The following EVI5 variants were observed in gnomAD, a reference collection of about 807,000 sequenced individuals.
The protein encoded by EVI5 is ecotropic viral integration site 5 protein homolog.
A neutral mutation model predicts 112.0 loss-of-function variants in EVI5; 73 were observed. The observed-to-expected ratio is 0.65, with a 90% CI of 0.54 to 0.79. The LOEUF (loss-of-function observed/expected upper bound fraction) is 0.79, where lower values mean the gene tolerates loss of function less well. Ranked by LOEUF, EVI5 falls within the 30% of genes least tolerant of loss-of-function variation. EVI5 has a pLI of 0.00. For missense variants in EVI5, 900 were observed against 968.8 expected (o/e 0.93, Z 0.94); for synonymous variants, 305 against 319.9 (o/e 0.95, Z 0.50).
intron 2 of EVI5, among the ~76,000 whole-genome samples, chr1:92,722,830 T>TA (rs747188923): frequency 1.3e-4 from 20 of 151,902 alleles, no homozygotes; most frequent in Non-Finnish European, 2.4e-4. Context: ...AACAAAGGGG[T>TA]AAAAAGTTAA....
intron 13 of EVI5, among the ~76,000 whole-genome samples, chr1:92,659,487 T>C (rs1368868175): frequency 1.3e-5 from 2 of 151,830 alleles, no homozygotes; most frequent in African/African-American, 4.8e-5. Flanking sequence ...CTAACAAACA[T>C]ATGAAAAAAA....
At chr1:92,538,557 A>G (rs896962501) in intron 19 of EVI5, among the ~76,000 whole-genome samples, 2 of 152,216 alleles carry the variant, frequency 1.3e-5, no homozygotes, top group Non-Finnish European at 1.5e-5. Context: ...CCTAGTGTTT[A>G]GGTGACAAGT....
chr1:92,741,106 C>A (rs954242136), intron 1 of EVI5, among the ~76,000 whole-genome samples: 10 of 152,176 alleles, frequency 6.6e-5, no homozygotes, highest in Non-Finnish European at 1.3e-4. Flanking sequence ...TGTATTAAAT[C>A]TATTTAATTA....
chr1:92,623,903 C>A (rs1362901138), intron 16 of EVI5, among the ~76,000 whole-genome samples: 4 of 152,202 alleles, frequency 2.6e-5, no homozygotes, highest in Admixed American at 6.5e-5. Flanking sequence ...TGTTCCTTCT[C>A]AAGTCATGCA....
chr1:92,561,817 A>G (rs955258649), intron 19 of EVI5, among the ~76,000 whole-genome samples: 1 of 151,990 alleles, frequency 6.6e-6, no homozygotes, highest in African/African-American at 2.4e-5. Flanking sequence ...TTGTATTTTT[A>G]GTAGAGATAG....
chr1:92,628,845 A>C (rs557021296), intron 14 of EVI5, among the ~76,000 whole-genome samples: 6 of 152,346 alleles, frequency 3.9e-5, no homozygotes, highest in African/African-American at 1.4e-4. Flanking sequence ...CTTTCTTATA[A>C]TGGACTTTAA....
chr1:92,633,454 G>C (rs879094751), intron 14 of EVI5, among the ~76,000 whole-genome samples: 1 of 152,046 alleles, frequency 6.6e-6, no homozygotes, highest in Admixed American at 6.6e-5. Flanking sequence ...TTTGATCTTT[G>C]TTGGTTTAAA....
At chr1:92,592,009 C>T (rs962606960) in intron 18 of EVI5, among the ~76,000 whole-genome samples, 15 of 152,140 alleles carry the variant, frequency 9.9e-5, no homozygotes, top group African/African-American at 3.6e-4. Flanking sequence ...TTTGGGAGGC[C>T]AAGGCGGGCG....
chr1:92,635,209 A>G (rs899823365), intron 14 of EVI5, among the ~76,000 whole-genome samples: 1 of 152,176 alleles, frequency 6.6e-6, no homozygotes, highest in Non-Finnish European at 1.5e-5. Flanking sequence ...TTCAAAGCTG[A>G]CAGACAGGGA....
At chr1:92,776,861 G>A (rs1684209406) in intron 1 of EVI5, among the ~76,000 whole-genome samples, 1 of 150,208 alleles carries the variant, frequency 6.7e-6, no homozygotes, top group Admixed American at 6.7e-5. Flanking sequence ...GGAGTGCAGT[G>A]GCAAGATCTC....
At chr1:92,617,540 T>A (rs996118679) in intron 16 of EVI5, among the ~76,000 whole-genome samples, 28 of 152,268 alleles carry the variant, frequency 1.8e-4, no homozygotes, top group African/African-American at 6.7e-4. Context: ...AAGCCACCCA[T>A]CGTCGCCCAA....
intron 9 of EVI5, among the ~76,000 whole-genome samples, chr1:92,689,760 C>T (rs1292096562): frequency 1.3e-5 from 2 of 152,194 alleles, no homozygotes; most frequent in African/African-American, 2.4e-5. Context: ...ACTTTGCAAC[C>T]TTAAAACATT....
At chr1:92,783,881 C>G (rs888576207) in intron 1 of EVI5, among the ~76,000 whole-genome samples, 2 of 148,224 alleles carry the variant, frequency 1.3e-5, no homozygotes, top group Admixed American at 6.7e-5. Flanking sequence ...ATTCTACTAA[C>G]AAAATTTTAA....
At chr1:92,622,372 C>CA in intron 16 of EVI5, 2 of 415,734 alleles carry the variant, frequency 4.8e-6, no homozygotes, top group South Asian at 1.7e-5. Context: ...GACACAAACA[C>CA]AAAAACGGTA....
chr1:92,568,660 T>A (rs1016173727), intron 18 of EVI5, among the ~76,000 whole-genome samples: 11 of 152,094 alleles, frequency 7.2e-5, no homozygotes, highest in African/African-American at 2.7e-4. Context: ...ATATGTGGAC[T>A]TTCGTCTGCC....
intron 9 of EVI5, among the ~76,000 whole-genome samples, chr1:92,691,015 C>A (rs569253941): frequency 6.6e-6 from 1 of 152,194 alleles, no homozygotes; most frequent in South Asian, 2.1e-4. Flanking sequence ...TCAGATGAAT[C>A]CTTCAGGTTG....
upstream of EVI5, among the ~76,000 whole-genome samples, chr1:92,787,388 A>G (rs1685716911): frequency 6.6e-6 from 1 of 152,208 alleles, no homozygotes; most frequent in African/African-American, 2.4e-5. Flanking sequence ...ATTAATAATG[A>G]TAAGACATGG....
chr1:92,774,340 T>A (rs1683838100), intron 1 of EVI5, among the ~76,000 whole-genome samples: 2 of 152,224 alleles, frequency 1.3e-5, no homozygotes, highest in Non-Finnish European at 2.9e-5. Flanking sequence ...TCATTAAAGC[T>A]ACACTTTTAT....
chr1:92,560,120 T>C (rs1159081641), intron 19 of EVI5, among the ~76,000 whole-genome samples: 1 of 152,194 alleles, frequency 6.6e-6, no homozygotes, highest in Non-Finnish European at 1.5e-5. Flanking sequence ...AAAGCAATGT[T>C]CTTAACAGAC....
Sources: allele counts gnomAD v4.1 joint callset (sites outside exome capture counted in the v4.1 genomes callset), GRCh38; gene constraint gnomAD v4.1.1; transcripts MANE v1.5; gene names NCBI Gene and HGNC (gene_info 2026-07-23, HGNC 2026-07-21).